The following COL28A1 variants were observed in gnomAD, a reference collection of about 807,000 sequenced individuals.
The protein encoded by COL28A1 is collagen type XXVIII alpha 1 chain.
In COL28A1, 161 loss-of-function variants were observed where a neutral mutation model predicts 150.2. That is an observed-to-expected ratio of 1.07 (90% confidence interval 0.94 to 1.22). The LOEUF is 1.22. Among genes scored for constraint, COL28A1 ranks in the 50% most tolerant of loss-of-function variants. The pLI is 0.00. For missense variants in COL28A1, 1,617 were observed against 1,388.3 expected (o/e 1.16, Z -2.62); for synonymous variants, 552 against 469.7 (o/e 1.18, Z -2.26).
intron 15 of COL28A1, among the ~76,000 whole-genome samples, chr7:7,473,522 G>T (rs1255290769): frequency 6.6e-6 from 1 of 151,962 alleles, no homozygotes; most frequent in Non-Finnish European, 1.5e-5. Flanking sequence ...CCATAATCAA[G>T]AAATCAAAAA....
At chr7:7,386,475 G>A (rs1471983555) in intron 27 of COL28A1, among the ~76,000 whole-genome samples, 1 of 152,180 alleles carries the variant, frequency 6.6e-6, no homozygotes, top group African/African-American at 2.4e-5. Flanking sequence ...AGGGCATCCC[G>A]CCAATTCAGC....
chr7:7,420,313 G>A (rs80141149), intron 25 of COL28A1: 2 of 156,668 alleles, frequency 1.3e-5, no homozygotes, highest in East Asian at 3.7e-4. Flanking sequence ...TTTTATCATT[G>A]TATGCAACAA....
intron 11 of COL28A1, among the ~76,000 whole-genome samples, chr7:7,503,443 G>C (rs183325771): frequency 1.3e-5 from 2 of 152,178 alleles, no homozygotes; most frequent in African/African-American, 2.4e-5. Context: ...GCCCATTAGA[G>C]AATACAGAAT....
At chr7:7,420,852 C>G (rs1189258702) in intron 25 of COL28A1, among the ~76,000 whole-genome samples, 1 of 149,560 alleles carries the variant, frequency 6.7e-6, no homozygotes, top group African/African-American at 2.6e-5. Flanking sequence ...GTCTGCACAG[C>G]TATTAAGGTG....
At chr7:7,424,083 A>G (rs938507087) in intron 25 of COL28A1, among the ~76,000 whole-genome samples, 1 of 146,146 alleles carries the variant, frequency 6.8e-6, no homozygotes, top group Non-Finnish European at 1.5e-5. Flanking sequence ...CTTTCAAACT[A>G]CGGGAAAATA....
chr7:7,393,904 C>A (rs757832066), intron 27 of COL28A1, among the ~76,000 whole-genome samples: 3 of 152,032 alleles, frequency 2.0e-5, no homozygotes, highest in East Asian at 1.9e-4. Context: ...CCACTTGGCA[C>A]CCTGGCTTTA....
chr7:7,452,269 T>C (rs770116302), intron 18 of COL28A1, 50 bp downstream of exon 18: 1 of 1,583,076 alleles, frequency 6.3e-7, no homozygotes, highest in Non-Finnish European at 8.5e-7. Context: ...GGAAACCTTA[T>C]ATAATGTTAC....
intron 25 of COL28A1, among the ~76,000 whole-genome samples, chr7:7,431,954 G>T (rs1412446368): frequency 6.6e-6 from 1 of 152,184 alleles, no homozygotes; most frequent in Non-Finnish European, 1.5e-5. Flanking sequence ...AATCCTTCTG[G>T]CTTGAGCATG....
chr7:7,519,094 G>A (rs1371069888), intron 6 of COL28A1, among the ~76,000 whole-genome samples: 2 of 152,140 alleles, frequency 1.3e-5, no homozygotes, highest in African/African-American at 2.4e-5. Flanking sequence ...CTGAGACTGG[G>A]TAGTTTATAA....
intron 22 of COL28A1, among the ~76,000 whole-genome samples, chr7:7,436,869 G>A (rs778814737): frequency 1.3e-5 from 2 of 152,220 alleles, no homozygotes; most frequent in Non-Finnish European, 2.9e-5. Flanking sequence ...GCAAAACCCC[G>A]TCTCTACTAA....
chr7:7,372,598 G>A (rs1323514027), intron 32 of COL28A1, among the ~76,000 whole-genome samples: 2 of 151,690 alleles, frequency 1.3e-5, no homozygotes, highest in Non-Finnish European at 2.9e-5. Context: ...CATTCAGCAG[G>A]TACTTCTTAA....
chr7:7,378,275 A>G (rs1781674336), intron 30 of COL28A1, among the ~76,000 whole-genome samples: 1 of 152,194 alleles, frequency 6.6e-6, no homozygotes, highest in South Asian at 2.1e-4. Flanking sequence ...TGATAAACAC[A>G]TTCTTTCTGC....
chr7:7,531,412 G>A lies in COL28A1; in HGVS notation c.617C>T (p.Ser206Leu), dbSNP rs1295783286. ...CAACAGTAAAGTGGGTTCACTGGAT[G>A]AATCCCCAGAAATCAAACGAAGTTT... is the stretch of plus-strand genomic sequence containing the variant. Reference protein sequence around the residue: ...EAKLRLISGDSSSEPTLLLSD... With the variant: ...EAKLRLISGDLSSEPTLLLSD... The change falls in exon 3 of 35, where the codon TCA becomes TTA. Residue 206 changes from serine (S) to leucine (L), a missense_variant. By Grantham distance (145) the Ser-to-Leu change is moderately radical. Transcript: ENST00000399429. The A allele has an allele frequency of 8.1e-6, 13 of 1,600,384 alleles. No homozygotes were observed. Among genetic ancestry groups the A allele is most frequent in the Non-Finnish European group, 1.1e-5 (13 of 1,169,582 alleles).
the COL28A1 span, among the ~76,000 whole-genome samples, chr7:7,341,862 C>A: frequency 6.6e-6 from 1 of 151,948 alleles, no homozygotes; most frequent in African/African-American, 2.4e-5. Flanking sequence ...GTATATGGTC[C>A]ATAAATATTT....
At chr7:7,428,024 G>C (rs190557174) in intron 25 of COL28A1, among the ~76,000 whole-genome samples, 1 of 152,274 alleles carries the variant, frequency 6.6e-6, no homozygotes, top group Admixed American at 6.5e-5. Flanking sequence ...CTATTGTAAA[G>C]AGACAAGTTG....
In COL28A1 at chr7:7,471,059, T is replaced by A. The variant is rs541047378; in HGVS notation, c.1302+3542A>T. Among the ~76,000 whole-genome samples, 646 of 135,844 alleles carry A rather than the reference T, an allele frequency of 4.8e-3. 3 individuals carry two copies. The highest frequency in any genetic ancestry group is 6.0e-3 in the Non-Finnish European group (389 of 64,444). 89.1% of individuals were successfully genotyped at this position (135,844 alleles called of 152,430 possible). On this transcript the variant is annotated intron_variant, in intron 15 of 34. Transcript: ENST00000399429. The stretch of plus-strand genomic sequence containing the variant: ...CGCACCAGCATGGCACATGTATACA[T>A]ATGTAACTAACCTGCACAATGTGCA...
intron 27 of COL28A1, among the ~76,000 whole-genome samples, chr7:7,406,087 C>G: frequency 6.6e-6 from 1 of 152,106 alleles, no homozygotes; most frequent in Non-Finnish European, 1.5e-5. Flanking sequence ...TTAAAAAAAT[C>G]AAATCCAGCT....
At chr7:7,444,800 G>A (rs957558057) in intron 18 of COL28A1, among the ~76,000 whole-genome samples, 1 of 152,036 alleles carries the variant, frequency 6.6e-6, no homozygotes, top group East Asian at 1.9e-4. Flanking sequence ...TCATTACAGG[G>A]GGGCCCTAAT....
chr7:7,364,641 C>T (rs2128280053), intron 33 of COL28A1, among the ~76,000 whole-genome samples: 1 of 152,216 alleles, frequency 6.6e-6, no homozygotes, highest in African/African-American at 2.4e-5. Context: ...CTTCTGTGTG[C>T]TTTTCTATTG....
Sources: allele counts gnomAD v4.1 joint callset (sites outside exome capture counted in the v4.1 genomes callset), GRCh38; gene constraint gnomAD v4.1.1; transcripts MANE v1.5; gene names NCBI Gene and HGNC (gene_info 2026-07-23, HGNC 2026-07-21).